Variants in METTL24 observed in about 807,000 individuals in gnomAD.
METTL24 encodes probable methyltransferase-like protein 24.
In METTL24, 29 loss-of-function variants were observed where a neutral mutation model predicts 32.7. That is an observed-to-expected ratio of 0.89 (90% CI 0.66 to 1.21). The LOEUF (loss-of-function observed/expected upper bound fraction) is 1.21. Ranked by LOEUF, METTL24 falls within the 50% of genes most tolerant of loss-of-function variation. The probability of loss-of-function intolerance (pLI) is 0.00; values close to 1 mark genes in which losing one functional copy is unlikely to be tolerated. For missense variants in METTL24, 439 were observed against 468.1 expected, an observed-to-expected ratio of 0.94 and a Z score of 0.57; for synonymous variants, 163 against 179.5, an observed-to-expected ratio of 0.91 and a Z score of 0.73.
chr6:110,304,284 G>T (rs138833841), intron 3 of METTL24, among the ~76,000 whole-genome samples: 1 of 152,174 alleles, frequency 6.6e-6, no homozygotes, highest in Admixed American at 6.5e-5. Flanking sequence ...ACCACTCCTC[G>T]CCAGAAAGGA....
At chr6:110,320,033 C>T (rs1194120020) in intron 2 of METTL24, among the ~76,000 whole-genome samples, 1 of 152,152 alleles carries the variant, frequency 6.6e-6, no homozygotes, top group Non-Finnish European at 1.5e-5. Context: ...GGCTTAATAT[C>T]CCAAGGCCTG....
intron 4 of METTL24, chr6:110,254,157 A>G (rs1318470999): frequency 1.0e-5 from 4 of 394,990 alleles, no homozygotes; most frequent in Non-Finnish European, 1.8e-5. Flanking sequence ...GGCCATATAG[A>G]TATTTTCCCA....
At chr6:110,294,380 G>A (rs1383244359) in intron 4 of METTL24, among the ~76,000 whole-genome samples, 1 of 151,814 alleles carries the variant, frequency 6.6e-6, no homozygotes, top group Non-Finnish European at 1.5e-5. Context: ...AAGGAATATA[G>A]AAATACTGGA....
At chr6:110,279,615 T>C (rs1419302353) in intron 4 of METTL24, among the ~76,000 whole-genome samples, 1 of 152,136 alleles carries the variant, frequency 6.6e-6, no homozygotes, top group East Asian at 1.9e-4. Context: ...CAAATTACAT[T>C]GTAGATAAGT....
intron 1 of METTL24, among the ~76,000 whole-genome samples, chr6:110,324,598 A>T (rs1771986708): frequency 6.6e-6 from 1 of 152,222 alleles, no homozygotes; most frequent in Non-Finnish European, 1.5e-5. Context: ...ATTTCATTTT[A>T]TACTGGGCCC....
At chr6:110,275,153 G>A (rs1771026196) in intron 4 of METTL24, among the ~76,000 whole-genome samples, 1 of 151,490 alleles carries the variant, frequency 6.6e-6, no homozygotes, top group South Asian at 2.1e-4. Context: ...ATCTTAGCTT[G>A]GAATTGTCCA....
chr6:110,349,773 C>T (rs1361491543), intron 1 of METTL24, among the ~76,000 whole-genome samples: 1 of 152,194 alleles, frequency 6.6e-6, no homozygotes, highest in Admixed American at 6.5e-5. Flanking sequence ...TGTAACCTTC[C>T]AAACTGCCAG....
At chr6:110,295,176 C>A (rs1464658843) in intron 4 of METTL24, among the ~76,000 whole-genome samples, 1 of 151,848 alleles carries the variant, frequency 6.6e-6, no homozygotes, top group Admixed American at 6.6e-5. Context: ...GCACATGTCA[C>A]CATGCCCAGC....
chr6:110,304,595 TAA>T (rs1433544909), intron 3 of METTL24, among the ~76,000 whole-genome samples: 1 of 152,016 alleles, frequency 6.6e-6, no homozygotes, highest in African/African-American at 2.4e-5. Context: ...CTTAATGAAA[TAA>T]AGTGTGAAGA....
At chr6:110,307,260 G>C (rs1478760188) in intron 3 of METTL24, among the ~76,000 whole-genome samples, 2 of 152,134 alleles carry the variant, frequency 1.3e-5, no homozygotes, top group African/African-American at 4.8e-5. Context: ...GATCTGAAGA[G>C]GTTCACAAAG....
intron 4 of METTL24, among the ~76,000 whole-genome samples, chr6:110,265,255 A>C (rs1277605080): frequency 6.6e-6 from 1 of 152,218 alleles, no homozygotes; most frequent in African/African-American, 2.4e-5. Flanking sequence ...CCAGAAAAGC[A>C]CAACTGGTGT....
At chr6:110,246,660 T>C (rs1229062670) in intron 4 of METTL24, among the ~76,000 whole-genome samples, 6 of 152,150 alleles carry the variant, frequency 3.9e-5, no homozygotes, top group African/African-American at 1.4e-4. Flanking sequence ...TGGGAATGGA[T>C]ATCTGAGAAG....
intron 4 of METTL24, among the ~76,000 whole-genome samples, chr6:110,297,430 T>C (rs556846783): frequency 3.9e-5 from 6 of 152,320 alleles, no homozygotes; most frequent in East Asian, 3.9e-4. Flanking sequence ...CAAAATGGCA[T>C]TGAGTTTCTC....
intron 1 of METTL24, among the ~76,000 whole-genome samples, chr6:110,330,107 A>G (rs1772087316): frequency 6.6e-6 from 1 of 152,254 alleles, no homozygotes; most frequent in African/African-American, 2.4e-5. Flanking sequence ...TTCAGGCTCC[A>G]GGAGGCGGGG....
At chr6:110,349,649 ATTATC>A (rs1772554389) in intron 1 of METTL24, among the ~76,000 whole-genome samples, 1 of 152,160 alleles carries the variant, frequency 6.6e-6, no homozygotes, top group Non-Finnish European at 1.5e-5. Flanking sequence ...GTAAAATGTT[ATTATC>A]TTGTCAGGGA....
At chr6:110,299,918 AT>A (rs1438868038) in intron 3 of METTL24, among the ~76,000 whole-genome samples, 2 of 152,228 alleles carry the variant, frequency 1.3e-5, no homozygotes, top group Admixed American at 6.5e-5. Context: ...ACTGAGAATG[AT>A]TTTTTTAATG....
chr6:110,316,724 C>A (rs1031581575), intron 2 of METTL24, among the ~76,000 whole-genome samples: 1 of 152,102 alleles, frequency 6.6e-6, no homozygotes, highest in Non-Finnish European at 1.5e-5. Flanking sequence ...GGCAAAACTT[C>A]ATCTCTACAA....
chr6:110,287,335 T>A (rs1211735223), intron 4 of METTL24, among the ~76,000 whole-genome samples: 1 of 152,166 alleles, frequency 6.6e-6, no homozygotes, highest in African/African-American at 2.4e-5. Context: ...CCGACAGATG[T>A]CTCTGCATTT....
chr6:110,338,549 C>T (rs7745186), intron 1 of METTL24, among the ~76,000 whole-genome samples: 54,633 of 152,070 alleles, frequency 0.36, 9,910 homozygotes, highest in South Asian at 0.38. Flanking sequence ...AACGTGTCTT[C>T]GATTCAGCTT....
Sources: gnomAD v4.1 joint callset for allele counts (sites outside exome capture counted in the v4.1 genomes callset) on GRCh38, gnomAD v4.1.1 for gene constraint, MANE v1.5 for transcripts, NCBI Gene and HGNC (gene_info 2026-07-23, HGNC 2026-07-21) for gene names.